BNC2: variants seen among roughly 807,000 people sequenced by gnomAD.
The protein encoded by BNC2 is zinc finger protein basonuclin-2.
Under a neutral mutation model 76.3 loss-of-function variants are expected in BNC2, and 20 were observed. That is an observed-to-expected ratio of 0.26 (90% CI 0.18 to 0.38). The LOEUF is 0.38. BNC2 is among the 10% of genes least tolerant of loss of function. BNC2 has a pLI of 1.00. For synonymous variants in BNC2, 582 were observed against 514.8 expected (o/e 1.13, Z -1.77); for missense variants, 1,382 against 1,399.8 (o/e 0.99, Z 0.20).
chr9:16,500,680 A>C (rs1309185730), intron 5 of BNC2, among the ~76,000 whole-genome samples: 1 of 152,168 alleles, frequency 6.6e-6, no homozygotes, highest in African/African-American at 2.4e-5. Flanking sequence ...ATGGAGCAGG[A>C]GGCATGAGGG....
chr9:16,536,309 A>G (rs968479699), intron 5 of BNC2, among the ~76,000 whole-genome samples: 4 of 152,188 alleles, frequency 2.6e-5, no homozygotes, highest in African/African-American at 9.6e-5. Flanking sequence ...AACATTGTGG[A>G]AAAATTAAAA....
chr9:16,683,850 C>G (rs565386409), intron 3 of BNC2, among the ~76,000 whole-genome samples: 1 of 152,284 alleles, frequency 6.6e-6, no homozygotes, highest in South Asian at 2.1e-4. Flanking sequence ...CATAGCTGAT[C>G]ATCTTTTAAC....
At chr9:16,605,781 ATTC>A (rs1427098203) in intron 3 of BNC2, among the ~76,000 whole-genome samples, 5 of 135,528 alleles carry the variant, frequency 3.7e-5, no homozygotes, top group African/African-American at 1.2e-4. Context: ...CCTTTCAAGA[ATTC>A]TTTTTTTTTT....
intron 3 of BNC2, among the ~76,000 whole-genome samples, chr9:16,662,943 T>C (rs541193907): frequency 6.6e-5 from 10 of 152,096 alleles, no homozygotes; most frequent in Admixed American, 3.9e-4. Context: ...TAAACAGTAG[T>C]AGCAATAGAA....
intron 6 of BNC2, among the ~76,000 whole-genome samples, chr9:16,434,615 C>T (rs953068860): frequency 2.0e-5 from 3 of 152,086 alleles, no homozygotes; most frequent in African/African-American, 4.8e-5. Context: ...GCAGGATAAC[C>T]GCACTATCCT....
chr9:16,810,690 T>C (rs1186239001), intron 1 of BNC2, among the ~76,000 whole-genome samples: 1 of 152,090 alleles, frequency 6.6e-6, no homozygotes, highest in Non-Finnish European at 1.5e-5. Flanking sequence ...GCATCACACA[T>C]AGTAAGGATA....
At chr9:16,494,883 G>A (rs532568710) in intron 5 of BNC2, among the ~76,000 whole-genome samples, 139 of 152,282 alleles carry the variant, frequency 9.1e-4, no homozygotes, top group African/African-American at 2.9e-3. Context: ...TAATGTAAAT[G>A]ATGAGTTGAT....
At chr9:16,594,247 G>C (rs1311959019) in intron 3 of BNC2, among the ~76,000 whole-genome samples, 1 of 152,120 alleles carries the variant, frequency 6.6e-6, no homozygotes, top group Non-Finnish European at 1.5e-5. Flanking sequence ...CGATTTGCAT[G>C]ATTATCACAC....
chr9:16,526,464 ATGCT>A (rs1563825131), intron 5 of BNC2, among the ~76,000 whole-genome samples: 2 of 109,928 alleles, frequency 1.8e-5, no homozygotes, highest in African/African-American at 7.1e-5. Flanking sequence ...ACATAGTTTA[ATGCT>A]TTTTTTTTTT....
chr9:16,519,020 G>T (rs369207947), intron 5 of BNC2, among the ~76,000 whole-genome samples: 1 of 152,216 alleles, frequency 6.6e-6, no homozygotes, highest in East Asian at 1.9e-4. Flanking sequence ...AGAAGAGAAG[G>T]TGTGCTTGCC....
intron 3 of BNC2, among the ~76,000 whole-genome samples, chr9:16,635,006 T>C (rs982196464): frequency 2.0e-5 from 3 of 152,206 alleles, no homozygotes; most frequent in Non-Finnish European, 4.4e-5. Context: ...GTGGTCTGTA[T>C]AAATTACATA....
chr9:16,585,997 C>G (rs1162261962), intron 3 of BNC2, among the ~76,000 whole-genome samples: 3 of 152,152 alleles, frequency 2.0e-5, no homozygotes, highest in Admixed American at 1.3e-4. Flanking sequence ...GATTAGTATT[C>G]AGGTCTGGGT....
chr9:16,617,778 C>G (rs1283636646), intron 3 of BNC2, among the ~76,000 whole-genome samples: 1 of 152,192 alleles, frequency 6.6e-6, no homozygotes, highest in Non-Finnish European at 1.5e-5. Flanking sequence ...ACCATACATT[C>G]ATTAAATCCT....
At chr9:16,817,124 A>C (rs1818204394) in intron 1 of BNC2, among the ~76,000 whole-genome samples, 1 of 152,214 alleles carries the variant, frequency 6.6e-6, no homozygotes, top group South Asian at 2.1e-4. Context: ...TCCAACTTAA[A>C]AATCTCTTTG....
intron 1 of BNC2, among the ~76,000 whole-genome samples, chr9:16,823,610 A>T (rs1443446439): frequency 9.9e-5 from 15 of 152,046 alleles, no homozygotes; most frequent in Non-Finnish European, 1.9e-4. Context: ...TTCAAAAAAA[A>T]AAAAAAGAAT....
In BNC2 at chr9:16,775,395, A is replaced by AT. The variant is rs1273122637; in HGVS notation, c.4-36911dup. 1.0e-4 allele frequency among the ~76,000 whole-genome samples: 3 copies of AT among 30,026 alleles called. No homozygotes were observed. The East Asian group carries it at 0.01, about 104-fold the overall frequency. The allele number at this position is 30,026 out of a possible 152,430, so 19.7% of individuals were successfully genotyped here. ...TGTTTCCTTAAACACTGATTTCGTTATTAAAAAAAAAAAAACTCCCATGAT... is the reference window on the plus strand; with the variant it reads ...TGTTTCCTTAAACACTGATTTCGTTATTTAAAAAAAAAAAAACTCCCATGAT... On this transcript the variant is annotated intron_variant, in intron 1 of 6. Coordinates refer to ENST00000380672, the MANE Select transcript of BNC2 (RefSeq NM_017637.6).
At position 16,464,172 on chromosome 9, in the gene BNC2, T is replaced by G. The variant is rs904216313; in HGVS notation, c.670-26648A>C. On this transcript the variant is annotated intron_variant, in intron 5 of 6. Transcript: ENST00000380672. ...AGGAGCTAGTAGTAGACCCTAATAA[T>G]AGCTAACAACTCTTTAAGATCCTCA... Among the ~76,000 whole-genome samples the G allele has an allele frequency of 6.2e-4, 93 of 150,492 alleles. 1 individual carries two copies. Among genetic ancestry groups the G allele is most frequent in the African/African-American group, 2.0e-3 (83 of 40,974 alleles).
At chr9:16,767,707 A>G (rs1825735146) in intron 1 of BNC2, among the ~76,000 whole-genome samples, 3 of 152,220 alleles carry the variant, frequency 2.0e-5, no homozygotes, top group Non-Finnish European at 4.4e-5. Context: ...GTTTTCAAAC[A>G]TGTATTATAC....
intron 3 of BNC2, among the ~76,000 whole-genome samples, chr9:16,619,101 G>A (rs184105222): frequency 3.3e-4 from 50 of 152,290 alleles, no homozygotes; most frequent in Non-Finnish European, 6.0e-4. Flanking sequence ...GACTTAGAGT[G>A]AGAGAGGGAA....
Sources: allele counts gnomAD v4.1 joint callset (sites outside exome capture counted in the v4.1 genomes callset), GRCh38; gene constraint gnomAD v4.1.1; transcripts MANE v1.5; gene names NCBI Gene and HGNC (gene_info 2026-07-23, HGNC 2026-07-21).